Variants in MBOAT1 observed in about 807,000 individuals in gnomAD.
MBOAT1 encodes the protein membrane bound glycerophospholipid O-acyltransferase 1, also known as membrane-bound glycerophospholipid O-acyltransferase 1.
MBOAT1 carries 67 observed loss-of-function variants against 64.4 expected under a neutral mutation model. The ratio of observed to expected loss-of-function variants is 1.04; its 90% CI spans 0.85 to 1.27. The LOEUF is 1.27. Ranked by LOEUF, MBOAT1 falls within the 50% of genes most tolerant of loss-of-function variation. The pLI is 0.00. For synonymous variants in MBOAT1, 229 were observed against 218.9 expected (o/e 1.05, Z -0.41); for missense variants, 563 against 604.6 (o/e 0.93, Z 0.72).
At chr6:20,138,163 T>C (rs1464424265) in intron 4 of MBOAT1, among the ~76,000 whole-genome samples, 4 of 152,198 alleles carry the variant, frequency 2.6e-5, no homozygotes, top group African/African-American at 7.2e-5. Context: ...AGCCTGCCTT[T>C]ACGGTGGTAG....
At chr6:20,113,100 C>CT in intron 10 of MBOAT1, 92 bp from the exon 11 acceptor site, 1 of 1,471,892 alleles carries the variant, frequency 6.8e-7, no homozygotes, top group Non-Finnish European at 9.1e-7. Context: ...ATGCAGAAAG[C>CT]ATTTGGTTGT....
chr6:20,191,485 C>T (rs1382981723), intron 1 of MBOAT1, among the ~76,000 whole-genome samples: 1 of 152,266 alleles, frequency 6.6e-6, no homozygotes, highest in East Asian at 1.9e-4. Flanking sequence ...CACTTTCATG[C>T]TCACTTTCCT....
At chr6:20,174,099 A>T (rs894401453) in intron 1 of MBOAT1, among the ~76,000 whole-genome samples, 2 of 152,212 alleles carry the variant, frequency 1.3e-5, no homozygotes. Flanking sequence ...CACACAGTGT[A>T]AACAATAAAA....
chr6:20,174,856 G>C (rs559337349), intron 1 of MBOAT1, among the ~76,000 whole-genome samples: 15 of 152,278 alleles, frequency 9.9e-5, no homozygotes, highest in African/African-American at 3.4e-4. Context: ...TTTTTGAAGA[G>C]GACTTTTCAA....
chr6:20,109,544 A>G, intron 12 of MBOAT1, 54 bp downstream of exon 12: 1 of 1,579,138 alleles, frequency 6.3e-7, no homozygotes, highest in Non-Finnish European at 8.6e-7. Flanking sequence ...TAAGTCAAAC[A>G]CAGTGAAAAT....
intron 1 of MBOAT1, among the ~76,000 whole-genome samples, chr6:20,181,983 T>A (rs1762523631): frequency 6.6e-6 from 1 of 152,206 alleles, no homozygotes; most frequent in Non-Finnish European, 1.5e-5. Flanking sequence ...TCCCTGCTCA[T>A]CTACAAAGAT....
Position 20,212,297 on chromosome 6 carries a change from C to T in MBOAT1, c.-63G>A. 1 of 1,492,290 alleles carries T rather than the reference C, an allele frequency of 6.7e-7. No individual in the cohort carries two copies. The highest frequency in any genetic ancestry group is 9.1e-7 in the Non-Finnish European group (1 of 1,094,288). The allele number at this position is 1,492,290 out of a possible 1,614,324, so 92.4% of individuals were successfully genotyped here. A position where few individuals can be genotyped will look rare whatever the true frequency, so the allele number is the denominator to read the frequency against. On this transcript the variant is annotated 5_prime_UTR_variant, in exon 1 of 13. Transcript: ENST00000324607. ...CGCAACACCCCCTGCTCGGCGTCCT[C>T]CCGCCCGGGTGCTCTTGGGTGGTTG...
intron 12 of MBOAT1, 66 bp downstream of exon 12, chr6:20,109,532 C>T (rs1760058469): frequency 6.4e-7 from 1 of 1,559,054 alleles, no homozygotes; most frequent in African/African-American, 1.4e-5. Flanking sequence ...TTTACTGCCT[C>T]CTAAGTCAAA....
rs1361754038 is a variant in MBOAT1 at position 20,206,208 on chromosome 6, C to G, written c.99+5928G>C. 2.0e-5 allele frequency among the ~76,000 whole-genome samples: 3 copies of G among 152,140 alleles called. No individual in the cohort carries two copies. In the East Asian group the frequency reaches 5.8e-4, roughly 29 times the overall value. On this transcript the variant is annotated intron_variant, in intron 1 of 12. Transcript: ENST00000324607. ...TTTTTTTTTGAGATGGAGTCTCGCT[C>G]TGTCACCCAGGCTGGAGTACAGTGG...
intron 1 of MBOAT1, among the ~76,000 whole-genome samples, chr6:20,175,723 C>A (rs567476804): frequency 6.6e-6 from 1 of 151,604 alleles, no homozygotes; most frequent in African/African-American, 2.4e-5. Context: ...CCACTCGCCT[C>A]GGCCTCCCAA....
intron 3 of MBOAT1, among the ~76,000 whole-genome samples, chr6:20,146,745 A>C (rs924445558): frequency 6.6e-6 from 1 of 152,176 alleles, no homozygotes. Context: ...AGCAAGTTCA[A>C]CTCAATTTAG....
At chr6:20,169,544 G>A (rs1005612526) in intron 1 of MBOAT1, among the ~76,000 whole-genome samples, 1 of 151,672 alleles carries the variant, frequency 6.6e-6, no homozygotes, top group African/African-American at 2.4e-5. Context: ...TCCAAAATAT[G>A]TGTGTATATT....
chr6:20,158,098 G>A (rs1029846090), intron 1 of MBOAT1, among the ~76,000 whole-genome samples: 7 of 150,110 alleles, frequency 4.7e-5, no homozygotes, highest in African/African-American at 1.7e-4. Context: ...AGAGGTTACA[G>A]TGAGGCAAGA....
rs576960590 is a variant in MBOAT1 at position 20,174,770 on chromosome 6, T to C, written c.100-22001A>G. The stretch of plus-strand genomic sequence containing the variant: ...TCCTTCATAGACCAAAACGTTGTTA[T>C]GTAGTACATGACTGTATATGAAAAC... On this transcript the variant is annotated intron_variant, in intron 1 of 12. Transcript: ENST00000324607. Among the ~76,000 whole-genome samples the C allele has an allele frequency of 1.7e-4, 26 of 152,346 alleles. No homozygotes were observed. In the South Asian group the frequency reaches 5.4e-3, roughly 32 times the overall value.
At chr6:20,115,141 CT>C in intron 10 of MBOAT1, 146 bp downstream of exon 10, 1 of 687,138 alleles carries the variant, frequency 1.5e-6, no homozygotes, top group Non-Finnish European at 2.6e-6. Context: ...TGTATTTCTA[CT>C]TTATCATTTA....
At chr6:20,129,948 C>T (rs1033338564) in intron 5 of MBOAT1, among the ~76,000 whole-genome samples, 1 of 152,170 alleles carries the variant, frequency 6.6e-6, no homozygotes, top group African/African-American at 2.4e-5. Flanking sequence ...AGACTCCATC[C>T]TTGGTATAAA....
rs376396580 is a variant in MBOAT1 at position 20,102,032 on chromosome 6, G to A, written c.*254C>T. The A allele has an allele frequency of 0.038, 6,577 of 175,378 alleles. 150 individuals carry two copies. The highest frequency in any genetic ancestry group is 0.046 in the Non-Finnish European group (4,093 of 88,718). 10.9% of individuals were successfully genotyped at this position (175,378 alleles called of 1,614,324 possible). ...TGGGAGGCTGAGGCAGGAGAATGGC[G>A]TGAACCCGGGAGGCGGAGCTTGCAG... is the stretch of plus-strand genomic sequence containing the variant. On this transcript the variant is annotated 3_prime_UTR_variant, in exon 13 of 13. Coordinates refer to ENST00000324607, the MANE Select transcript of MBOAT1 (RefSeq NM_001080480.3).
chr6:20,195,168 G>A (rs1050017593), intron 1 of MBOAT1, among the ~76,000 whole-genome samples: 2 of 152,136 alleles, frequency 1.3e-5, no homozygotes, highest in Admixed American at 6.5e-5. Flanking sequence ...GCCCAGGCTA[G>A]TCTCAAACTC....
At chr6:20,111,859 C>CATATATATACATATATATATAT (rs1554115576) in intron 11 of MBOAT1, among the ~76,000 whole-genome samples, 1 of 108,646 alleles carries the variant, frequency 9.2e-6, no homozygotes, top group Non-Finnish European at 1.8e-5. Context: ...TATATATATA[C>CATATATATACATATATATATAT]ATATATATAC....
Sources: allele counts gnomAD v4.1 joint callset (sites outside exome capture counted in the v4.1 genomes callset), GRCh38; gene constraint gnomAD v4.1.1; transcripts MANE v1.5; gene names NCBI Gene and HGNC (gene_info 2026-07-23, HGNC 2026-07-21).